SPART: variants seen among roughly 807,000 people sequenced by gnomAD.
The protein encoded by SPART is spartin, also known as spastic paraplegia 20 (Troyer syndrome).
Under a neutral mutation model 58.7 loss-of-function variants are expected in SPART, and 35 were observed. The ratio of observed to expected loss-of-function variants is 0.60; its 90% CI spans 0.46 to 0.79. SPART has a LOEUF of 0.79. SPART is among the 30% of genes least tolerant of loss of function. The pLI is 0.00. For missense variants in SPART, 730 were observed against 786.1 expected, an observed-to-expected ratio of 0.93 and a Z score of 0.85; for synonymous variants, 284 against 280.7, an observed-to-expected ratio of 1.01 and a Z score of -0.12.
chr13:36,324,964 G>T (rs1279876040), intron 5 of SPART, among the ~76,000 whole-genome samples: 1 of 152,140 alleles, frequency 6.6e-6, no homozygotes, highest in Non-Finnish European at 1.5e-5. Flanking sequence ...CATCACTTAA[G>T]GCAAGGACCA....
At chr13:36,346,947 T>C (rs941805130), upstream of SPART, 26 of 152,296 alleles carry the variant, frequency 1.7e-4, no homozygotes, top group African/African-American at 6.0e-4. Flanking sequence ...GCACAGTTAA[T>C]TTCCAAAAGC....
intron 5 of SPART, among the ~76,000 whole-genome samples, chr13:36,319,841 A>C (rs977963276): frequency 9.3e-5 from 14 of 150,630 alleles, no homozygotes; most frequent in Admixed American, 7.3e-4. Flanking sequence ...TACTTCAATC[A>C]AGCCCAAATT....
chr13:36,366,938 A>G (rs1176161344), intron 1 of SPART, among the ~76,000 whole-genome samples: 2 of 152,180 alleles, frequency 1.3e-5, no homozygotes, highest in Admixed American at 1.3e-4. Context: ...AAACTGAACC[A>G]CACATAGACA....
intron 1 of SPART, among the ~76,000 whole-genome samples, chr13:36,364,521 G>A (rs964136629): frequency 1.3e-5 from 2 of 152,098 alleles, no homozygotes; most frequent in African/African-American, 2.4e-5. Context: ...ATCAGCTCAC[G>A]TTGTTCTGAT....
At chr13:36,357,268 T>C (rs1885657528) in intron 1 of SPART, among the ~76,000 whole-genome samples, 1 of 152,294 alleles carries the variant, frequency 6.6e-6, no homozygotes, top group Non-Finnish European at 1.5e-5. Context: ...GTGAAACTTT[T>C]GTAATTCAAG....
At chr13:36,328,092 C>T (rs765981257) in intron 4 of SPART, among the ~76,000 whole-genome samples, 5 of 152,082 alleles carry the variant, frequency 3.3e-5, no homozygotes, top group Non-Finnish European at 7.4e-5. Context: ...CTCTTTTGTA[C>T]CCTTCAACTT....
intron 1 of SPART, among the ~76,000 whole-genome samples, chr13:36,351,776 T>C (rs1274100878): frequency 6.6e-6 from 1 of 152,230 alleles, no homozygotes; most frequent in African/African-American, 2.4e-5. Flanking sequence ...TAAATTATGC[T>C]AGATTCAATT....
chr13:36,355,233 T>G (rs1305459965), intron 1 of SPART, among the ~76,000 whole-genome samples: 2 of 152,172 alleles, frequency 1.3e-5, no homozygotes, highest in African/African-American at 2.4e-5. Context: ...CTATCATAGC[T>G]CACTAAGGCT....
At chr13:36,320,592 C>A (rs556480793) in intron 5 of SPART, among the ~76,000 whole-genome samples, 9 of 152,280 alleles carry the variant, frequency 5.9e-5, no homozygotes, top group Admixed American at 1.3e-4. Flanking sequence ...TTCTACTACT[C>A]CTCAGGGATT....
intron 1 of SPART, among the ~76,000 whole-genome samples, chr13:36,361,796 C>T (rs1018968228): frequency 6.6e-6 from 1 of 152,300 alleles, no homozygotes; most frequent in Admixed American, 6.5e-5. Flanking sequence ...TTTAATTATA[C>T]TACAACATTC....
intron 5 of SPART, among the ~76,000 whole-genome samples, chr13:36,321,688 A>T (rs1882418013): frequency 6.6e-6 from 1 of 152,098 alleles, no homozygotes; most frequent in Non-Finnish European, 1.5e-5. Flanking sequence ...TGCTGCCCCA[A>T]CACTTCAACA....
Position 36,304,344 on chromosome 13 carries a change from T to G in SPART, c.*21A>C. 3.1e-6 allele frequency: 5 copies of G among 1,613,976 alleles called. No homozygotes were observed. Among genetic ancestry groups the G allele is most frequent in the Non-Finnish European group, 4.2e-6 (5 of 1,179,884 alleles). ...TCATCCATTTCATAAGGCTTTGGTATAAGTGATTCCCAGCACTTCATCATT... is the reference window on the plus strand; with the variant it reads ...TCATCCATTTCATAAGGCTTTGGTAGAAGTGATTCCCAGCACTTCATCATT... On this transcript the variant is annotated 3_prime_UTR_variant, in exon 9 of 9. Coordinates refer to ENST00000438666, the MANE Select transcript of SPART (RefSeq NM_015087.5).
Position 36,329,437 on chromosome 13 carries a change from TTC to T in SPART, c.1087_1088del (p.Glu363SerfsTer5). 1.2e-6 allele frequency: 2 copies of T among 1,614,178 alleles called. No individual in the cohort carries two copies. The highest frequency in any genetic ancestry group is 8.5e-7 in the Non-Finnish European group (1 of 1,180,000). On this transcript the variant is annotated frameshift_variant, in exon 4 of 9. Transcript: ENST00000438666. LOFTEE classifies it high-confidence loss of function. ...RTRPSSDQLK[E>X]ASGTDVKQLD... ...ACTGTTTCACATCAGTGCCAGAGGCTTCTTTTAGTTGGTCAGAGGAGGGTCTA... is the reference window on the plus strand; with the variant it reads ...ACTGTTTCACATCAGTGCCAGAGGCTTTTTAGTTGGTCAGAGGAGGGTCTA...
intron 8 of SPART, among the ~76,000 whole-genome samples, chr13:36,311,345 TTC>T (rs1176209016): frequency 6.6e-6 from 1 of 152,232 alleles, no homozygotes; most frequent in Non-Finnish European, 1.5e-5. Context: ...AATCATTCAT[TTC>T]TGTTTGTCCA....
chr13:36,304,617 T>A lies in SPART; in HGVS notation c.1749A>T (p.Ala583=), dbSNP rs565556195. The change falls in exon 9 of 9, where the codon GCA becomes GCT. Residue 583 remains alanine (A), a synonymous_variant. Coordinates refer to ENST00000438666, the MANE Select transcript of SPART (RefSeq NM_015087.5). ...CCACCGCATGGTGGGTAGCTTCTCC[T>A]GCATTATATCCGTATCTTTAAAAGA... ...QTVRYKYGYN[A]GEATHHAVDS... is the part of the protein sequence containing the mutation. 2.5e-5 allele frequency: 41 copies of A among 1,613,928 alleles called. No homozygotes were observed. Among genetic ancestry groups the A allele is most frequent in the Non-Finnish European group, 3.3e-5 (39 of 1,179,976 alleles).
rs1302792554 is a variant in SPART at position 36,314,333 on chromosome 13, C to A, written c.1377G>T (p.Arg459=). ...IQKGASKLRE[R]IQPEEKPVEV... is the part of the protein sequence containing the mutation. ...CCACGGGTTTTTCTTCTGGTTGAAT[C>A]CGCTCTCGGAGTTTAGAAGCACCTT... is the stretch of plus-strand genomic sequence containing the variant. Residue 459 remains arginine, a synonymous_variant, in exon 6 of 9, where the codon CGG becomes CGT. Transcript: ENST00000438666. 3 of 1,614,116 alleles carry A rather than the reference C, an allele frequency of 1.9e-6. No homozygotes were observed. Among genetic ancestry groups the A allele is most frequent in the South Asian group, 1.1e-5 (1 of 91,082 alleles).
chr13:36,353,651 G>A (rs143403280), intron 1 of SPART, among the ~76,000 whole-genome samples: 42 of 152,198 alleles, frequency 2.8e-4, no homozygotes, highest in African/African-American at 9.9e-4. Context: ...TTCTTTGATC[G>A]GGGATTTTAA....
At position 36,328,755 on chromosome 13, in the gene SPART, T is replaced by C. The variant is rs960580994; in HGVS notation, c.1164+607A>G. Among the ~76,000 whole-genome samples the C allele has an allele frequency of 5.3e-5, 8 of 152,122 alleles. No homozygotes were observed. In the East Asian group the frequency reaches 1.5e-3, roughly 29 times the overall value. ...TGAAATGAAAGAAGAAACCACTCAG[T>C]ATATTTTTTTAAATCAAATCTCTGT... On this transcript the variant is annotated intron_variant, in intron 4 of 8. Transcript: ENST00000438666.
At chr13:36,350,655 A>G (rs184582067), upstream of SPART, among the ~76,000 whole-genome samples, 92 of 152,350 alleles carry the variant, frequency 6.0e-4, no homozygotes, top group Non-Finnish European at 1.2e-3. Flanking sequence ...CTTCTAAAAA[A>G]AATAATTCTC....
Sources: gnomAD v4.1 joint callset for allele counts (sites outside exome capture counted in the v4.1 genomes callset) on GRCh38, gnomAD v4.1.1 for gene constraint, MANE v1.5 for transcripts, NCBI Gene and HGNC (gene_info 2026-07-23, HGNC 2026-07-21) for gene names.